The following NMUR2 variants were observed in gnomAD, a reference collection of about 807,000 sequenced individuals.
NMUR2 encodes the protein neuromedin-U receptor 2.
Under a neutral mutation model 25.1 loss-of-function variants are expected in NMUR2, and 24 were observed. The ratio of observed to expected loss-of-function variants is 0.96; its 90% CI spans 0.69 to 1.34. NMUR2 has a LOEUF of 1.34. Among genes scored for constraint, NMUR2 ranks in the 40% most tolerant of loss-of-function variants. The pLI, the probability that NMUR2 is intolerant of heterozygous loss-of-function variation, is 0.00. For missense variants in NMUR2, 533 were observed against 512.8 expected (o/e 1.04, Z -0.38); for synonymous variants, 218 against 208.1 (o/e 1.05, Z -0.41).
At chr5:152,397,899 T>C (rs185129296) in intron 2 of NMUR2, among the ~76,000 whole-genome samples, 161 bp downstream of exon 2, 2 of 152,234 alleles carry the variant, frequency 1.3e-5, no homozygotes, top group East Asian at 3.9e-4. Context: ...GGTGTCTTCA[T>C]TATATATCTC....
chr5:152,397,910 TC>T lies in NMUR2; in HGVS notation c.811+149del, dbSNP rs1403679715. 5.2e-6 allele frequency: 3 copies of T among 573,196 alleles called. No homozygotes were observed. The African/African-American group carries it at 5.7e-5, about 11-fold the overall frequency. The allele number at this position is 573,196 out of a possible 1,614,324, so 35.5% of individuals were successfully genotyped here. A position where few individuals can be genotyped will look rare whatever the true frequency, so the allele number is the denominator to read the frequency against. ...AGGAGGTGTCTTCATTATATATCTCTCCCCTTTGCTCCTTGATCTTAATCTA... is the reference window on the plus strand; with the variant it reads ...AGGAGGTGTCTTCATTATATATCTCTCCCTTTGCTCCTTGATCTTAATCTA... On this transcript the variant is annotated intron_variant, in intron 2 of 3. Transcript: ENST00000255262.
intron 1 of NMUR2, among the ~76,000 whole-genome samples, chr5:152,399,156 G>A (rs1470438798): frequency 6.6e-6 from 1 of 152,072 alleles, no homozygotes; most frequent in Non-Finnish European, 1.5e-5. Flanking sequence ...CCAAATAAAG[G>A]AAGCTTTAAG....
In NMUR2 at chr5:152,404,771, C is replaced by A. The variant is rs555065239; in HGVS notation, c.343G>T (p.Gly115Trp). ...EMWRNYPFLF[G>W]PVGCYFKTAL... ...GTCTTGAAGTAGCAGCCCACGGGCCCGAACAAGAAAGGGTAGTTGCGCCAC... is the reference window on the plus strand; with the variant it reads ...GTCTTGAAGTAGCAGCCCACGGGCCAGAACAAGAAAGGGTAGTTGCGCCAC... Residue 115 changes from glycine (G) to tryptophan (W), a missense_variant, in exon 1 of 4, where the codon GGG becomes TGG. Coordinates refer to ENST00000255262, the MANE Select transcript of NMUR2 (RefSeq NM_020167.5). 7 of 1,614,048 alleles carry A rather than the reference C, an allele frequency of 4.3e-6. No individual in the cohort carries two copies. Among genetic ancestry groups the A allele is most frequent in the Non-Finnish European group, 5.9e-6 (7 of 1,180,022 alleles).
chr5:152,395,958 G>T (rs2113095896), intron 2 of NMUR2, among the ~76,000 whole-genome samples: 1 of 152,130 alleles, frequency 6.6e-6, no homozygotes, highest in Middle Eastern at 3.4e-3. Context: ...GGAATAATTA[G>T]AAGTTTCTCT....
At position 152,404,671 on chromosome 5, in the gene NMUR2, A is replaced by T; in HGVS notation, c.443T>A (p.Ile148Asn). 1.2e-6 allele frequency: 2 copies of T among 1,614,020 alleles called. No individual in the cohort carries two copies. Among genetic ancestry groups the T allele is most frequent in the Non-Finnish European group, 1.7e-6 (2 of 1,179,990 alleles). Residue 148 changes from isoleucine (I) to asparagine (N), a missense_variant, in exon 1 of 4, where the codon ATC (isoleucine) becomes AAC (asparagine). Ile to Asn is a moderately radical substitution (Grantham distance 149). Transcript: ENST00000255262. ...TTVSVERYVA[I>N]LHPFRAKLQS... The stretch of plus-strand genomic sequence containing the variant: ...CAGTTTGGCGCGGAACGGGTGTAGG[A>T]TGGCCACGTAGCGCTCCACGCTGAC...
chr5:152,398,049 G>T lies in NMUR2; in HGVS notation c.811+11C>A. On this transcript the variant is annotated intron_variant, in intron 2 of 3. Coordinates refer to ENST00000255262, the MANE Select transcript of NMUR2 (RefSeq NM_020167.5). The stretch of plus-strand genomic sequence containing the variant: ...AACAAAACAAAACAAAAAACAAAAT[G>T]GGGCACTTACACAGCATCTTGTTGA... The T allele has an allele frequency of 3.1e-6, 5 of 1,602,256 alleles. No individual in the cohort carries two copies. The highest frequency in any genetic ancestry group is 4.3e-6 in the Non-Finnish European group (5 of 1,170,522).
intron 2 of NMUR2, among the ~76,000 whole-genome samples, chr5:152,396,474 C>T (rs2113096476): frequency 6.6e-6 from 1 of 152,248 alleles, no homozygotes; most frequent in South Asian, 2.1e-4. Flanking sequence ...TTCCTGTTGG[C>T]ATTAAACACA....
At chr5:152,402,225 T>C (rs1420661388) in intron 1 of NMUR2, among the ~76,000 whole-genome samples, 13 of 151,796 alleles carry the variant, frequency 8.6e-5, no homozygotes, top group Admixed American at 8.5e-4. Context: ...ACACAGAGAA[T>C]AAATGAGGGT....
At chr5:152,402,641 C>T (rs1169800771) in intron 1 of NMUR2, among the ~76,000 whole-genome samples, 1 of 152,082 alleles carries the variant, frequency 6.6e-6, no homozygotes, top group Non-Finnish European at 1.5e-5. Flanking sequence ...AAATATTTTT[C>T]CCAAATTGAC....
At chr5:152,401,910 A>C (rs1753260756) in intron 1 of NMUR2, among the ~76,000 whole-genome samples, 1 of 152,064 alleles carries the variant, frequency 6.6e-6, no homozygotes, top group Non-Finnish European at 1.5e-5. Flanking sequence ...ATACCTTCAA[A>C]CTATCCAACA....
At position 152,395,542 on chromosome 5, in the gene NMUR2, T is replaced by C. The variant is rs1483411035; in HGVS notation, c.854A>G (p.His285Arg). Residue 285 changes from histidine (H) to arginine (R), a missense_variant, in exon 3 of 4, where the codon CAC becomes CGC. By Grantham distance (29) the His-to-Arg change is conservative (BLOSUM62 0). Coordinates refer to ENST00000255262, the MANE Select transcript of NMUR2 (RefSeq NM_020167.5). ...LVFAICWAPF[H>R]IDRLFFSFVE... Reference sequence around the variant, plus strand: ...AAAGCTGAAGAAGAGTCGGTCAATGTGGAACGGGGCCCAACAGATAGCAAA... The same window carrying C: ...AAAGCTGAAGAAGAGTCGGTCAATGCGGAACGGGGCCCAACAGATAGCAAA... 3 of 1,613,574 alleles carry C rather than the reference T, an allele frequency of 1.9e-6. No homozygotes were observed. Among genetic ancestry groups the C allele is most frequent in the Non-Finnish European group, 2.5e-6 (3 of 1,179,836 alleles).
Position 152,404,992 on chromosome 5 carries a change from C to G in NMUR2, c.122G>C (p.Arg41Pro). ...AGACACGGGGAGGAAGAAGTGGCTGCGCCGAGGTCCGCAGAGGAAGGCCAG... is the reference window on the plus strand; with the variant it reads ...AGACACGGGGAGGAAGAAGTGGCTGGGCCGAGGTCCGCAGAGGAAGGCCAG... ...EYLAFLCGPRRSHFFLPVSVV... is the reference protein window; with the variant it reads ...EYLAFLCGPRPSHFFLPVSVV... Residue 41 changes from arginine to proline, a missense_variant, in exon 1 of 4, where the codon CGC becomes CCC. Transcript: ENST00000255262. The G allele has an allele frequency of 2.5e-6, 4 of 1,613,898 alleles. No individual in the cohort carries two copies. The highest frequency in any genetic ancestry group is 3.4e-6 in the Non-Finnish European group (4 of 1,179,952).
chr5:152,392,993 T>TCCTA (rs2113092739), intron 3 of NMUR2, among the ~76,000 whole-genome samples: 1 of 152,316 alleles, frequency 6.6e-6, no homozygotes, highest in Admixed American at 6.5e-5. Context: ...AGCGTGCTGT[T>TCCTA]CCTACCTACC....
intron 1 of NMUR2, among the ~76,000 whole-genome samples, chr5:152,403,715 A>ATAT (rs1460748621): frequency 2.1e-3 from 304 of 148,282 alleles, no homozygotes; most frequent in African/African-American, 7.0e-3. Flanking sequence ...TATATTATAT[A>ATAT]TAACTATATA....
At chr5:152,402,411 T>C (rs1231613866) in intron 1 of NMUR2, among the ~76,000 whole-genome samples, 1 of 152,196 alleles carries the variant, frequency 6.6e-6, no homozygotes, top group Non-Finnish European at 1.5e-5. Flanking sequence ...GTTTCTTTCC[T>C]GGTGTCCTCT....
chr5:152,401,875 A>C lies in NMUR2; in HGVS notation c.726+2513T>G, dbSNP rs906792746. On this transcript the variant is annotated intron_variant, in intron 1 of 3. Coordinates refer to ENST00000255262, the MANE Select transcript of NMUR2 (RefSeq NM_020167.5). The stretch of plus-strand genomic sequence containing the variant: ...TCAGTCTTGGGCTTGCTGCCTTCTG[A>C]AAGCAGTGGGTCCCAGAGTCAATCA... 2.0e-5 allele frequency among the ~76,000 whole-genome samples: 3 copies of C among 152,138 alleles called. No homozygotes were observed. The East Asian group carries it at 5.8e-4, about 29-fold the overall frequency.
In NMUR2 at chr5:152,395,452, G is replaced by T. The variant is rs745693417; in HGVS notation, c.937+7C>A. On this transcript the variant is annotated splice_region_variant and intron_variant, in intron 3 of 3. Transcript: ENST00000255262. ...TAGTCATGCACCAAATCCAGCTAAG[G>T]TTTTACCTGACACCACATGGACGAG... 14 of 1,613,116 alleles carry T rather than the reference G, an allele frequency of 8.7e-6. No individual in the cohort carries two copies. Among genetic ancestry groups the T allele is most frequent in the African/African-American group, 2.7e-5 (2 of 74,792 alleles).
chr5:152,399,079 T>G (rs1373225352), intron 1 of NMUR2, among the ~76,000 whole-genome samples: 4 of 151,844 alleles, frequency 2.6e-5, no homozygotes, highest in Non-Finnish European at 4.4e-5. Context: ...AAGATCTACA[T>G]CATTCATCCA....
In NMUR2 at chr5:152,392,279, G is replaced by T. The variant is rs751081879; in HGVS notation, c.1160C>A (p.Ser387Tyr). 1.2e-6 allele frequency: 2 copies of T among 1,613,888 alleles called. No homozygotes were observed. The highest frequency in any genetic ancestry group is 2.2e-5 in the South Asian group (2 of 91,072). The change falls in exon 4 of 4, where the codon TCC (serine) becomes TAC (tyrosine). Residue 387 changes from serine (S) to tyrosine (Y), a missense_variant. Transcript: ENST00000255262. ...TGCTGGGAGGTGAGAGTTGTGCATGGATGACTGACATGGGAATTGGGGACC... is the reference window on the plus strand; with the variant it reads ...TGCTGGGAGGTGAGAGTTGTGCATGTATGACTGACATGGGAATTGGGGACC... Reference protein sequence around the residue: ...DIGPQFPCQSSMHNSHLPAAL... With the variant: ...DIGPQFPCQSYMHNSHLPAAL...
Sources: gnomAD v4.1 joint callset for allele counts (sites outside exome capture counted in the v4.1 genomes callset) on GRCh38, gnomAD v4.1.1 for gene constraint, MANE v1.5 for transcripts, NCBI Gene and HGNC (gene_info 2026-07-23, HGNC 2026-07-21) for gene names.